SLC16A7: variants seen among roughly 807,000 people sequenced by gnomAD.
SLC16A7 encodes the protein monocarboxylate transporter 2.
A neutral mutation model predicts 34.9 loss-of-function variants in SLC16A7; 33 were observed. The observed-to-expected ratio is 0.94, with a 90% CI of 0.72 to 1.26. The LOEUF (loss-of-function observed/expected upper bound fraction) is 1.26, where lower values mean the gene tolerates loss of function less well. Ranked by LOEUF, SLC16A7 falls within the 50% of genes most tolerant of loss-of-function variation. The pLI is 0.00. For synonymous variants in SLC16A7, 201 were observed against 206.6 expected, an observed-to-expected ratio of 0.97 and a Z score of 0.23; for missense variants, 573 against 578.1, an observed-to-expected ratio of 0.99 and a Z score of 0.09.
intron 3 of SLC16A7, among the ~76,000 whole-genome samples, chr12:59,738,979 C>T (rs1366799130): frequency 6.6e-6 from 1 of 151,006 alleles, no homozygotes; most frequent in Non-Finnish European, 1.5e-5. Flanking sequence ...TATTAGGATG[C>T]AAACTATTTC....
chr12:59,606,645 C>T (rs1330103016), intron 1 of SLC16A7, among the ~76,000 whole-genome samples: 1 of 152,140 alleles, frequency 6.6e-6, no homozygotes, highest in Admixed American at 6.5e-5. Flanking sequence ...TGTTTCAGTG[C>T]AGGTAAGATG....
chr12:59,674,659 G>A (rs1227917518), intron 2 of SLC16A7, among the ~76,000 whole-genome samples: 1 of 152,134 alleles, frequency 6.6e-6, no homozygotes, highest in Admixed American at 6.6e-5. Flanking sequence ...TAAAGTAAGA[G>A]GTGCTGGGAT....
chr12:59,604,551 T>C (rs2136959070), intron 1 of SLC16A7, among the ~76,000 whole-genome samples: 2 of 152,344 alleles, frequency 1.3e-5, no homozygotes, highest in South Asian at 4.1e-4. Context: ...GTTATAAAGA[T>C]AAGCTTTAAG....
chr12:59,604,137 A>G (rs1878822913), intron 1 of SLC16A7, among the ~76,000 whole-genome samples: 1 of 152,242 alleles, frequency 6.6e-6, no homozygotes, highest in Admixed American at 6.5e-5. Flanking sequence ...ACTTTAGGAA[A>G]GTCCACAAAT....
chr12:59,646,838 A>G (rs947891934), intron 1 of SLC16A7, among the ~76,000 whole-genome samples: 2 of 152,138 alleles, frequency 1.3e-5, no homozygotes, highest in Admixed American at 6.6e-5. Flanking sequence ...TTGTGACCCA[A>G]ATGTGAGACA....
At chr12:59,612,827 A>T (rs1431967108) in intron 1 of SLC16A7, among the ~76,000 whole-genome samples, 1 of 152,174 alleles carries the variant, frequency 6.6e-6, no homozygotes, top group Admixed American at 6.5e-5. Flanking sequence ...TCCATCTGAG[A>T]CTACATCAGC....
intron 3 of SLC16A7, among the ~76,000 whole-genome samples, chr12:59,733,172 G>A (rs1877156098): frequency 6.6e-6 from 1 of 152,190 alleles, no homozygotes; most frequent in Admixed American, 6.5e-5. Context: ...AAACCTCTGT[G>A]ACCAGCGGCG....
chr12:59,762,172 G>C (rs904467625), intron 3 of SLC16A7, among the ~76,000 whole-genome samples: 1 of 152,020 alleles, frequency 6.6e-6, no homozygotes, highest in Non-Finnish European at 1.5e-5. Flanking sequence ...TGGAGTCTAA[G>C]TTGTTCTGTT....
chr12:59,690,943 A>G (rs1871577743), intron 2 of SLC16A7, among the ~76,000 whole-genome samples: 1 of 151,970 alleles, frequency 6.6e-6, no homozygotes, highest in Non-Finnish European at 1.5e-5. Context: ...AAAAAAAGAT[A>G]AGAAAATTTT....
intron 3 of SLC16A7, among the ~76,000 whole-genome samples, chr12:59,711,116 C>G (rs1874176521): frequency 6.6e-6 from 1 of 152,192 alleles, no homozygotes; most frequent in South Asian, 2.1e-4. Context: ...ACATGGCCTA[C>G]TTTGCATTTG....
chr12:59,598,085 T>G (rs1878508624), intron 1 of SLC16A7, among the ~76,000 whole-genome samples: 1 of 152,242 alleles, frequency 6.6e-6, no homozygotes. Context: ...GTCATATTCC[T>G]GGATCACGGA....
intron 1 of SLC16A7, among the ~76,000 whole-genome samples, chr12:59,629,582 G>C (rs1220628343): frequency 6.6e-6 from 1 of 151,846 alleles, no homozygotes; most frequent in Non-Finnish European, 1.5e-5. Flanking sequence ...AAATGGAAGT[G>C]GTAGACTCTA....
At chr12:59,680,938 T>A (rs2137072735) in intron 2 of SLC16A7, among the ~76,000 whole-genome samples, 1 of 152,008 alleles carries the variant, frequency 6.6e-6, no homozygotes, top group East Asian at 1.9e-4. Flanking sequence ...GTCAAATGAG[T>A]TTTTGCACTA....
intron 2 of SLC16A7, among the ~76,000 whole-genome samples, chr12:59,667,964 C>T (rs1869349652): frequency 6.6e-6 from 1 of 152,188 alleles, no homozygotes. Flanking sequence ...GAGGACAAGC[C>T]CCAAGCCTTG....
At chr12:59,707,835 T>C (rs1191983542) in intron 3 of SLC16A7, among the ~76,000 whole-genome samples, 1 of 152,112 alleles carries the variant, frequency 6.6e-6, no homozygotes, top group Non-Finnish European at 1.5e-5. Flanking sequence ...CATGCAAATG[T>C]TTCATCTCTG....
Position 59,785,283 on chromosome 12 carries a change from A to C in SLC16A7, c.*5604A>C, listed in dbSNP as rs1883529200. The C allele has an allele frequency of 6.6e-6, 1 of 152,142 alleles. No homozygotes were observed. Among genetic ancestry groups the C allele is most frequent in the Non-Finnish European group, 1.5e-5 (1 of 68,018 alleles). The allele number at this position is 152,142 out of a possible 1,614,324, so 9.4% of individuals were successfully genotyped here. A position where few individuals can be genotyped will look rare whatever the true frequency, so the allele number is the denominator to read the frequency against. ...TACACTGGAGATTTTAGCTCTTTAC[A>C]GGGTGCTACAATCTGGTTTATTTTA... On this transcript the variant is annotated 3_prime_UTR_variant, in exon 6 of 6. Coordinates refer to ENST00000547379, the MANE Select transcript of SLC16A7 (RefSeq NM_001270623.2).
chr12:59,661,435 A>G (rs1868845816), intron 2 of SLC16A7, among the ~76,000 whole-genome samples: 2 of 152,116 alleles, frequency 1.3e-5, no homozygotes, highest in Admixed American at 1.3e-4. Flanking sequence ...AGTGCATTTA[A>G]TAGAAAGCTG....
Position 59,734,755 on chromosome 12 carries a change from T to A in SLC16A7, c.217+29737T>A, listed in dbSNP as rs555649191. Among the ~76,000 whole-genome samples the A allele has an allele frequency of 1.4e-3, 211 of 152,382 alleles. 1 individual carries two copies. Among genetic ancestry groups the A allele is most frequent in the Middle Eastern group, 6.8e-3 (2 of 294 alleles). ...TGAGTGGATTTGGGGACTTTGATGA[T>A]ATACATCATTGTCATTCTCTATTTC... On this transcript the variant is annotated intron_variant, in intron 3 of 5. Coordinates refer to ENST00000547379, the MANE Select transcript of SLC16A7 (RefSeq NM_001270623.2).
intron 3 of SLC16A7, among the ~76,000 whole-genome samples, chr12:59,755,649 A>T (rs1880227619): frequency 6.6e-6 from 1 of 152,210 alleles, no homozygotes; most frequent in Non-Finnish European, 1.5e-5. Context: ...CATGGGTAGG[A>T]AGAATCAGTA....
Sources: gnomAD v4.1 joint callset for allele counts (sites outside exome capture counted in the v4.1 genomes callset) on GRCh38, gnomAD v4.1.1 for gene constraint, MANE v1.5 for transcripts, NCBI Gene and HGNC (gene_info 2026-07-23, HGNC 2026-07-21) for gene names.